The following CLEC2A variants were observed in gnomAD, a reference collection of about 807,000 sequenced individuals.
CLEC2A encodes the protein keratinocyte-associated C-type lectin.
In CLEC2A, 19 loss-of-function variants were observed where a neutral mutation model predicts 18.6. The observed-to-expected ratio is 1.02, with a 90% CI of 0.71 to 1.50. The LOEUF (loss-of-function observed/expected upper bound fraction) is 1.50. Among genes scored for constraint, CLEC2A ranks in the 40% most tolerant of loss-of-function variants. CLEC2A has a pLI of 0.00. For missense variants in CLEC2A, 190 were observed against 207.9 expected, an observed-to-expected ratio of 0.91 and a Z score of 0.53; for synonymous variants, 74 against 64.0, an observed-to-expected ratio of 1.16 and a Z score of -0.75.
chr12:9,931,239 G>A (rs773459578), intron 1 of CLEC2A, among the ~76,000 whole-genome samples: 29 of 152,036 alleles, frequency 1.9e-4, no homozygotes, highest in Non-Finnish European at 2.9e-4. Flanking sequence ...CTAAAGGGAT[G>A]GAATCTTATT....
the CLEC2A span, among the ~76,000 whole-genome samples, chr12:9,878,577 A>G: frequency 6.6e-6 from 1 of 152,214 alleles, no homozygotes; most frequent in Non-Finnish European, 1.5e-5. Flanking sequence ...TACAAATTTT[A>G]GACATCTTCA....
Position 9,913,540 on chromosome 12 carries a change from A to G in CLEC2A, c.*26T>C, listed in dbSNP as rs923104902. 38 of 1,535,396 alleles carry G rather than the reference A, an allele frequency of 2.5e-5. No homozygotes were observed. Among genetic ancestry groups the G allele is most frequent in the Non-Finnish European group, 3.2e-5 (37 of 1,143,274 alleles). ...GCTCTTCTTTCAATCTTGAAGTGTG[A>G]TAATCATTTTCAAGTTTTTTCTGCT... is the stretch of plus-strand genomic sequence containing the variant. On this transcript the variant is annotated 3_prime_UTR_variant, in exon 5 of 5. Coordinates refer to ENST00000455827, the MANE Select transcript of CLEC2A (RefSeq NM_001130711.2).
the CLEC2A span, among the ~76,000 whole-genome samples, chr12:9,886,182 T>C: frequency 6.6e-6 from 1 of 152,326 alleles, no homozygotes; most frequent in East Asian, 1.9e-4. Context: ...AGCCATATTT[T>C]TTATTCTAAT....
chr12:9,903,823 C>A (rs534360272), intron 4 of CLEC2A, among the ~76,000 whole-genome samples: 2 of 152,274 alleles, frequency 1.3e-5, no homozygotes, highest in South Asian at 2.1e-4. Flanking sequence ...GACTTAAATT[C>A]ATCTGGGACT....
intron 1 of CLEC2A, among the ~76,000 whole-genome samples, chr12:9,931,488 AATGCTG>A: frequency 7.9e-5 from 12 of 152,306 alleles, no homozygotes; most frequent in African/African-American, 2.9e-4. Flanking sequence ...GGCTGCTAGA[AATGCTG>A]TAGCTAGAAA....
At chr12:9,880,257 G>A in the CLEC2A span, among the ~76,000 whole-genome samples, 38 of 152,228 alleles carry the variant, frequency 2.5e-4, no homozygotes, top group Non-Finnish European at 3.7e-4. Context: ...ATGACTTGTC[G>A]GAAACTCAAA....
downstream of CLEC2A, among the ~76,000 whole-genome samples, chr12:9,894,821 A>T (rs546425909): frequency 2.6e-5 from 4 of 152,192 alleles, no homozygotes; most frequent in South Asian, 8.3e-4. Context: ...GCAATATTTG[A>T]AAAAAAGTAA....
At chr12:9,922,280 T>G (rs1323131726) in intron 2 of CLEC2A, 48 bp from the exon 3 acceptor site, 19 of 1,436,708 alleles carry the variant, frequency 1.3e-5, no homozygotes, top group Non-Finnish European at 1.6e-5. Flanking sequence ...TGTTAAAAAG[T>G]GTTTCTACTC....
At chr12:9,889,668 A>G in the CLEC2A span, among the ~76,000 whole-genome samples, 2 of 149,152 alleles carry the variant, frequency 1.3e-5, no homozygotes, top group African/African-American at 2.5e-5. Flanking sequence ...GTGTATATAT[A>G]TGTATATATA....
chr12:9,893,111 A>G, the CLEC2A span: 2 of 1,535,864 alleles, frequency 1.3e-6, no homozygotes, highest in Admixed American at 2.0e-5. Flanking sequence ...AAGAGAGTCA[A>G]CGTGATTGTA....
chr12:9,905,961 A>G (rs1325638528), intron 4 of CLEC2A, among the ~76,000 whole-genome samples: 1 of 151,756 alleles, frequency 6.6e-6, no homozygotes, highest in Non-Finnish European at 1.5e-5. Context: ...ACACTTTGAA[A>G]TGGTGTTAGT....
intron 3 of CLEC2A, among the ~76,000 whole-genome samples, chr12:9,917,714 C>T (rs1863095856): frequency 1.3e-5 from 2 of 152,216 alleles, no homozygotes; most frequent in Non-Finnish European, 2.9e-5. Context: ...ACTATTTTCA[C>T]TCCAACCAAT....
the CLEC2A span, chr12:9,881,617 A>G: frequency 5.9e-6 from 9 of 1,535,206 alleles, no homozygotes; most frequent in South Asian, 1.2e-5. Flanking sequence ...AGATGGGTAT[A>G]TGACGCTGAG....
the CLEC2A span, among the ~76,000 whole-genome samples, chr12:9,882,353 C>A: frequency 2.0e-5 from 3 of 152,206 alleles, no homozygotes; most frequent in Non-Finnish European, 4.4e-5. Flanking sequence ...CCCCTGCCCC[C>A]ACAAAATGAC....
At chr12:9,907,809 T>C (rs1862926552) in intron 4 of CLEC2A, among the ~76,000 whole-genome samples, 1 of 152,186 alleles carries the variant, frequency 6.6e-6, no homozygotes. Flanking sequence ...AGAATAAGGA[T>C]CTTCCCATTC....
intron 3 of CLEC2A, among the ~76,000 whole-genome samples, chr12:9,920,670 C>T (rs898690880): frequency 2.0e-5 from 3 of 152,158 alleles, no homozygotes; most frequent in South Asian, 4.1e-4. Flanking sequence ...TTGAGAGCTG[C>T]GCACTCCAGC....
chr12:9,888,180 T>TA, the CLEC2A span, among the ~76,000 whole-genome samples: 1 of 151,276 alleles, frequency 6.6e-6, no homozygotes, highest in Non-Finnish European at 1.5e-5. Flanking sequence ...ACATGAAGTC[T>TA]AAGATCTCAC....
At chr12:9,885,035 G>A in the CLEC2A span, 1 of 1,173,002 alleles carries the variant, frequency 8.5e-7, no homozygotes, top group Non-Finnish European at 1.1e-6. Context: ...GTTCTGGCGT[G>A]AGTAGTAAAT....
chr12:9,930,939 C>A (rs1319665154), intron 1 of CLEC2A, among the ~76,000 whole-genome samples: 1 of 151,982 alleles, frequency 6.6e-6, no homozygotes, highest in Non-Finnish European at 1.5e-5. Context: ...TTATTTCAAA[C>A]ACTATATTTC....
Sources: allele counts gnomAD v4.1 joint callset (sites outside exome capture counted in the v4.1 genomes callset), GRCh38; gene constraint gnomAD v4.1.1; transcripts MANE v1.5; gene names NCBI Gene and HGNC (gene_info 2026-07-23, HGNC 2026-07-21).